The following PTK2 variants were observed in gnomAD, a reference collection of about 807,000 sequenced individuals.
The protein encoded by PTK2 is focal adhesion kinase 1.
PTK2 carries 45 observed loss-of-function variants against 150.1 expected under a neutral mutation model. The observed-to-expected ratio is 0.30, with a 90% CI of 0.24 to 0.38. The LOEUF (loss-of-function observed/expected upper bound fraction) is 0.38, where lower values mean the gene tolerates loss of function less well. PTK2 is among the 10% of genes least tolerant of loss of function. The pLI is 1.00. For missense variants in PTK2, 919 were observed against 1,307.3 expected (o/e 0.70, Z 4.58); for synonymous variants, 432 against 449.2 (o/e 0.96, Z 0.48).
At chr8:140,685,283 T>C (rs2100019188) in intron 27 of PTK2, among the ~76,000 whole-genome samples, 1 of 152,172 alleles carries the variant, frequency 6.6e-6, no homozygotes, top group Admixed American at 6.5e-5. Context: ...CCTAGAACTA[T>C]AAAAACCCTT....
intron 3 of PTK2, 112 bp downstream of exon 3, chr8:140,890,431 G>A: frequency 1.2e-6 from 1 of 854,670 alleles, no homozygotes; most frequent in Non-Finnish European, 1.8e-6. Flanking sequence ...TCTGTAATAT[G>A]AAAAGTCCCC....
At chr8:140,882,676 C>T (rs1166202908) in intron 3 of PTK2, among the ~76,000 whole-genome samples, 1 of 152,076 alleles carries the variant, frequency 6.6e-6, no homozygotes, top group Non-Finnish European at 1.5e-5. Context: ...ATTAAATGTG[C>T]AAGGTCATTT....
chr8:141,000,184 GCAAA>G (rs2100199526), intron 1 of PTK2, among the ~76,000 whole-genome samples: 1 of 150,680 alleles, frequency 6.6e-6, no homozygotes, highest in Non-Finnish European at 1.5e-5. Flanking sequence ...GAGAAATTCG[GCAAA>G]CAGTTGCGCC....
intron 27 of PTK2, among the ~76,000 whole-genome samples, chr8:140,685,937 A>G (rs1375384487): frequency 6.6e-6 from 1 of 152,254 alleles, no homozygotes; most frequent in Non-Finnish European, 1.5e-5. Context: ...ATGCATGCTT[A>G]TATTCATCAC....
chr8:140,994,535 C>G (rs2100196892), intron 1 of PTK2, among the ~76,000 whole-genome samples: 1 of 152,114 alleles, frequency 6.6e-6, no homozygotes, highest in South Asian at 2.1e-4. Context: ...TTTTTAGAGG[C>G]AGGGTCTCAC....
intron 7 of PTK2, among the ~76,000 whole-genome samples, chr8:140,840,676 A>G (rs886753734): frequency 2.0e-5 from 3 of 152,200 alleles, no homozygotes; most frequent in African/African-American, 4.8e-5. Flanking sequence ...AAGAATACCA[A>G]CTAAGAAATA....
chr8:140,702,618 T>A, exon 25 of PTK2: 1 of 1,614,098 alleles, frequency 6.2e-7, no homozygotes, highest in Admixed American at 1.7e-5. Flanking sequence ...TATGATTCCA[T>A]GAATCTGTTT....
At chr8:140,835,349 T>G (rs1368936287) in intron 7 of PTK2, among the ~76,000 whole-genome samples, 2 of 152,226 alleles carry the variant, frequency 1.3e-5, no homozygotes, top group African/African-American at 2.4e-5. Context: ...TTTGTGAACA[T>G]AATCCCTCAA....
chr8:140,926,160 T>C (rs2100169352), intron 1 of PTK2, among the ~76,000 whole-genome samples: 1 of 152,228 alleles, frequency 6.6e-6, no homozygotes, highest in African/African-American at 2.4e-5. Flanking sequence ...ACTTCACCAA[T>C]TTGCTGCAGT....
At chr8:140,906,025 G>A (rs1487408366) in intron 2 of PTK2, among the ~76,000 whole-genome samples, 1 of 151,234 alleles carries the variant, frequency 6.6e-6, no homozygotes, top group Admixed American at 6.6e-5. Flanking sequence ...ACCTCAAAAG[G>A]ATAAATAATC....
At chr8:140,843,980 G>T (rs1315412190) in intron 7 of PTK2, among the ~76,000 whole-genome samples, 1 of 152,116 alleles carries the variant, frequency 6.6e-6, no homozygotes, top group Non-Finnish European at 1.5e-5. Flanking sequence ...GCAACTCCTG[G>T]ATATGTGAGT....
chr8:140,916,134 G>C (rs2100165183), intron 2 of PTK2, among the ~76,000 whole-genome samples: 3 of 152,214 alleles, frequency 2.0e-5, no homozygotes, highest in Admixed American at 2.0e-4. Context: ...GAGTTCACCA[G>C]TCTTTCTGTT....
intron 1 of PTK2, among the ~76,000 whole-genome samples, chr8:140,967,524 A>C (rs1489905080): frequency 2.7e-5 from 4 of 148,504 alleles, no homozygotes; most frequent in African/African-American, 1.0e-4. Flanking sequence ...GCAGCGGTGC[A>C]ATCTCGGCTC....
chr8:140,722,276 T>C (rs1037469603), intron 22 of PTK2, among the ~76,000 whole-genome samples: 2 of 151,960 alleles, frequency 1.3e-5, no homozygotes, highest in Non-Finnish European at 2.9e-5. Flanking sequence ...CCTGGCCAAT[T>C]TCTTTTTTCT....
At chr8:140,949,934 C>T (rs534737986) in intron 1 of PTK2, among the ~76,000 whole-genome samples, 10 of 152,260 alleles carry the variant, frequency 6.6e-5, no homozygotes, top group African/African-American at 1.4e-4. Flanking sequence ...CCAATCAGTA[C>T]GCACTTCCTC....
In PTK2 at chr8:140,846,241, T is replaced by C. The variant is rs747043001; in HGVS notation, c.593+19A>G. 8.3e-6 allele frequency: 13 copies of C among 1,563,740 alleles called. No homozygotes were observed. The highest frequency in any genetic ancestry group is 2.3e-5 in the South Asian group (2 of 86,956). ...AGTTCTGCATATTTGCAGGTATAGA[T>C]TGTAAGTACAATACTTACTCTAATA... On this transcript the variant is annotated intron_variant, in intron 7 of 31. Coordinates refer to ENST00000522684, the Ensembl canonical transcript of PTK2.
chr8:140,858,413 T>A (rs544119887), intron 5 of PTK2, among the ~76,000 whole-genome samples: 4 of 122,800 alleles, frequency 3.3e-5, no homozygotes, highest in Admixed American at 1.7e-4. Flanking sequence ...ATGACACAGA[T>A]CAAGCAAGGG....
chr8:140,947,197 T>C (rs1248566669), intron 1 of PTK2, among the ~76,000 whole-genome samples: 1 of 152,142 alleles, frequency 6.6e-6, no homozygotes, highest in East Asian at 1.9e-4. Flanking sequence ...TCCTCCACTA[T>C]CATCAAATCT....
chr8:140,745,024 T>C (rs570389607), intron 18 of PTK2, among the ~76,000 whole-genome samples: 1 of 152,248 alleles, frequency 6.6e-6, no homozygotes, highest in Non-Finnish European at 1.5e-5. Flanking sequence ...TTAAAAAATA[T>C]AGAAAGATAA....
Sources: allele counts gnomAD v4.1 joint callset (sites outside exome capture counted in the v4.1 genomes callset), GRCh38; gene constraint gnomAD v4.1.1; transcripts MANE v1.5; gene names NCBI Gene and HGNC (gene_info 2026-07-23, HGNC 2026-07-21).